The following PSME4 variants were observed in gnomAD, a reference collection of about 807,000 sequenced individuals.
PSME4 encodes proteasome activator subunit 4.
Under a neutral mutation model 253.9 loss-of-function variants are expected in PSME4, and 89 were observed. The ratio of observed to expected loss-of-function variants is 0.35; its 90% CI spans 0.30 to 0.42. The LOEUF (loss-of-function observed/expected upper bound fraction) is 0.42. PSME4 is among the 10% of genes least tolerant of loss of function. The probability of loss-of-function intolerance (pLI) is 1.00; values close to 1 mark genes in which losing one functional copy is unlikely to be tolerated. For synonymous variants in PSME4, 851 were observed against 759.2 expected, an observed-to-expected ratio of 1.12 and a Z score of -1.99; for missense variants, 2,014 against 2,195.2, an observed-to-expected ratio of 0.92 and a Z score of 1.65.
At chr2:53,886,955 A>T (rs1679667824) in intron 40 of PSME4, among the ~76,000 whole-genome samples, 1 of 152,196 alleles carries the variant, frequency 6.6e-6, no homozygotes, top group South Asian at 2.1e-4. Flanking sequence ...GAATGGGCAA[A>T]TTCAGAGATG....
chr2:53,932,464 T>G (rs1443974445), intron 9 of PSME4, among the ~76,000 whole-genome samples: 3 of 152,194 alleles, frequency 2.0e-5, no homozygotes, highest in African/African-American at 7.2e-5. Flanking sequence ...AAATGAGCCA[T>G]GTTGTCAACA....
chr2:53,882,145 C>T (rs551054791), intron 41 of PSME4, among the ~76,000 whole-genome samples: 1 of 152,118 alleles, frequency 6.6e-6, no homozygotes, highest in South Asian at 2.1e-4. Context: ...ATGTTTCTTA[C>T]AACAATGTGT....
intron 21 of PSME4, among the ~76,000 whole-genome samples, chr2:53,909,381 T>C (rs1273631493): frequency 6.6e-6 from 1 of 152,166 alleles, no homozygotes; most frequent in East Asian, 1.9e-4. Flanking sequence ...TAATTTACTA[T>C]GATAGGAAGG....
At chr2:53,897,564 G>A (rs151055616) in intron 31 of PSME4, among the ~76,000 whole-genome samples, 6 of 152,182 alleles carry the variant, frequency 3.9e-5, no homozygotes, top group Admixed American at 6.5e-5. Context: ...AGAGTAAAAA[G>A]CTATACCCTC....
chr2:53,920,074 T>G (rs749387545), intron 19 of PSME4, 119 bp downstream of exon 19: 12 of 858,852 alleles, frequency 1.4e-5, no homozygotes, highest in Non-Finnish European at 2.1e-5. Context: ...TCTAAGTACA[T>G]GTATAGCAGA....
intron 20 of PSME4, among the ~76,000 whole-genome samples, chr2:53,911,141 G>A (rs1010342702): frequency 6.6e-6 from 1 of 152,012 alleles, no homozygotes; most frequent in Non-Finnish European, 1.5e-5. Flanking sequence ...TAAGTAATAG[G>A]TAAAAACATA....
intron 43 of PSME4, among the ~76,000 whole-genome samples, chr2:53,872,872 A>T (rs774010405): frequency 3.4e-5 from 5 of 148,260 alleles, no homozygotes; most frequent in Non-Finnish European, 6.0e-5. Flanking sequence ...CCTTTAGGTT[A>T]GTTTTTAAAG....
intron 3 of PSME4, among the ~76,000 whole-genome samples, chr2:53,942,872 G>C (rs1669516893): frequency 6.6e-6 from 1 of 152,136 alleles, no homozygotes; most frequent in Admixed American, 6.6e-5. Flanking sequence ...GAGAGTTCTT[G>C]TCCCAGTTCT....
intron 42 of PSME4, 48 bp downstream of exon 42, chr2:53,875,579 T>A: frequency 1.3e-6 from 2 of 1,549,520 alleles, no homozygotes; most frequent in Non-Finnish European, 1.7e-6. Flanking sequence ...CTTAGAATGG[T>A]AAACCAAAAT....
At chr2:53,958,251 G>A (rs1357870525) in intron 1 of PSME4, among the ~76,000 whole-genome samples, 1 of 151,592 alleles carries the variant, frequency 6.6e-6, no homozygotes, top group Non-Finnish European at 1.5e-5. Flanking sequence ...AGCTACTCGG[G>A]AGGCTGAGGT....
chr2:53,969,425 A>G (rs1670921364), intron 1 of PSME4, among the ~76,000 whole-genome samples: 1 of 152,190 alleles, frequency 6.6e-6, no homozygotes, highest in Non-Finnish European at 1.5e-5. Flanking sequence ...TCATCCAGTG[A>G]ATATACACAA....
At chr2:53,939,395 A>G (rs1471876414) in intron 4 of PSME4, among the ~76,000 whole-genome samples, 2 of 152,162 alleles carry the variant, frequency 1.3e-5, no homozygotes, top group Non-Finnish European at 2.9e-5. Flanking sequence ...AAAAATTAAA[A>G]TTAAATTTTA....
intron 41 of PSME4, among the ~76,000 whole-genome samples, chr2:53,876,148 G>C (rs199590609): frequency 6.6e-6 from 1 of 152,282 alleles, no homozygotes; most frequent in East Asian, 1.9e-4. Flanking sequence ...ATTTCCCCAA[G>C]TACCACATTC....
chr2:53,873,982 G>C (rs975669061), intron 43 of PSME4, among the ~76,000 whole-genome samples: 12 of 152,000 alleles, frequency 7.9e-5, no homozygotes, highest in African/African-American at 2.7e-4. Flanking sequence ...TAATTTTTTT[G>C]AGACAGGGTC....
chr2:53,868,367 G>A (rs572184974), intron 44 of PSME4, among the ~76,000 whole-genome samples: 202 of 150,764 alleles, frequency 1.3e-3, no homozygotes, highest in African/African-American at 4.1e-3. Flanking sequence ...CATGAGAATC[G>A]CCTGAACCCA....
intron 1 of PSME4, among the ~76,000 whole-genome samples, chr2:53,953,196 A>G (rs1009427919): frequency 1.3e-5 from 2 of 152,170 alleles, no homozygotes; most frequent in Non-Finnish European, 2.9e-5. Flanking sequence ...TTAAAAGGGC[A>G]CAAAAGTTCT....
At chr2:53,887,721 A>T in intron 39 of PSME4, 137 bp downstream of exon 39, 2 of 1,182,868 alleles carry the variant, frequency 1.7e-6, no homozygotes, top group Non-Finnish European at 2.3e-6. Flanking sequence ...GTTTCCCACG[A>T]CACAATAGCA....
Position 53,919,390 on chromosome 2 carries a change from A to G in PSME4, c.2421-144T>C, listed in dbSNP as rs11893933. 4,688 of 1,123,130 alleles carry G rather than the reference A, an allele frequency of 4.2e-3. 111 individuals carry two copies. The African/African-American group carries it at 0.06, about 14-fold the overall frequency. 69.6% of individuals were successfully genotyped at this position (1,123,130 alleles called of 1,614,324 possible). On this transcript the variant is annotated intron_variant, in intron 19 of 46. Coordinates refer to ENST00000404125, the MANE Select transcript of PSME4 (RefSeq NM_014614.3). ...AATGTCTTCAGTTTACCAACTTAACAGTGAAGAACAATTAAATATATATTT... is the reference window on the plus strand; with the variant it reads ...AATGTCTTCAGTTTACCAACTTAACGGTGAAGAACAATTAAATATATATTT...
At chr2:53,876,912 A>G (rs1164108809) in intron 41 of PSME4, among the ~76,000 whole-genome samples, 1 of 151,416 alleles carries the variant, frequency 6.6e-6, no homozygotes, top group Non-Finnish European at 1.5e-5. Context: ...TGGTAGAGAC[A>G]GAATCTCACT....
Sources: gnomAD v4.1 joint callset for allele counts (sites outside exome capture counted in the v4.1 genomes callset) on GRCh38, gnomAD v4.1.1 for gene constraint, MANE v1.5 for transcripts, NCBI Gene and HGNC (gene_info 2026-07-23, HGNC 2026-07-21) for gene names.